The following PRPSAP2 variants were observed in gnomAD, a reference collection of about 807,000 sequenced individuals.
PRPSAP2 encodes phosphoribosyl pyrophosphate synthase-associated protein 2.
PRPSAP2 carries 24 observed loss-of-function variants against 40.6 expected under a neutral mutation model. That is an observed-to-expected ratio of 0.59 (90% CI 0.43 to 0.83). PRPSAP2 has a LOEUF of 0.83. Among genes scored for constraint, PRPSAP2 ranks in the 40% least tolerant of loss-of-function variants. The pLI, the probability that PRPSAP2 is intolerant of heterozygous loss-of-function variation, is 0.00. For missense variants in PRPSAP2, 292 were observed against 465.6 expected, an observed-to-expected ratio of 0.63 and a Z score of 3.43; for synonymous variants, 149 against 164.7, an observed-to-expected ratio of 0.90 and a Z score of 0.73.
intron 1 of PRPSAP2, among the ~76,000 whole-genome samples, chr17:18,863,168 C>T (rs1473850944): frequency 1.3e-5 from 2 of 151,912 alleles, no homozygotes; most frequent in African/African-American, 4.8e-5. Context: ...GGTCGCATTC[C>T]CATCGTCCAG....
intron 7 of PRPSAP2, among the ~76,000 whole-genome samples, chr17:18,886,340 G>A (rs67552299): frequency 0.03 from 4,618 of 151,690 alleles, 108 homozygotes; most frequent in Middle Eastern, 0.068. Context: ...TCGTTGCCTT[G>A]AAATTTTTGC....
intron 6 of PRPSAP2, among the ~76,000 whole-genome samples, chr17:18,882,134 C>T (rs1057313429): frequency 3.3e-5 from 5 of 151,900 alleles, no homozygotes; most frequent in Non-Finnish European, 5.9e-5. Context: ...CCACAGTGCC[C>T]GGCTGGAGAG....
intron 8 of PRPSAP2, among the ~76,000 whole-genome samples, chr17:18,907,182 A>T (rs2040645714): frequency 1.3e-5 from 2 of 152,224 alleles, no homozygotes; most frequent in African/African-American, 4.8e-5. Flanking sequence ...AAACACTTGA[A>T]CATTTACCAT....
upstream of PRPSAP2, among the ~76,000 whole-genome samples, chr17:18,857,513 A>C (rs7222187): frequency 0.53 from 79,384 of 149,292 alleles, 21,297 homozygotes; most frequent in Middle Eastern, 0.6. Context: ...TCCCGGGTTC[A>C]AGCGATTCTC....
intron 8 of PRPSAP2, among the ~76,000 whole-genome samples, chr17:18,905,931 T>A (rs1334454479): frequency 1.3e-5 from 2 of 152,190 alleles, no homozygotes; most frequent in Non-Finnish European, 2.9e-5. Flanking sequence ...TTTGTAAGGA[T>A]GAATTCAAAG....
rs775079199 is a variant in PRPSAP2 at position 18,885,403 on chromosome 17, C to CAAAAAAA, written c.528+2740_528+2746dup. ...GGCGACAGAGTGAGATTCCTTCTCACAAAAAAAAAAAAAAAAAAAAAAAAA... is the reference window on the plus strand; with the variant it reads ...GGCGACAGAGTGAGATTCCTTCTCACAAAAAAAAAAAAAAAAAAAAAAAAAAAAAAAA... On this transcript the variant is annotated intron_variant, in intron 7 of 11. Transcript: ENST00000268835. 1.8e-4 allele frequency among the ~76,000 whole-genome samples: 2 copies of CAAAAAAA among 10,968 alleles called. 1 individual carries two copies. Among genetic ancestry groups the CAAAAAAA allele is most frequent in the Non-Finnish European group, 5.4e-4 (2 of 3,704 alleles). 7.2% of individuals were successfully genotyped at this position (10,968 alleles called of 152,430 possible).
chr17:18,890,719 C>G (rs1444355306), intron 8 of PRPSAP2, among the ~76,000 whole-genome samples: 1 of 152,212 alleles, frequency 6.6e-6, no homozygotes, highest in African/African-American at 2.4e-5. Context: ...CTGGCGTTTA[C>G]AGTACTGGCG....
chr17:18,892,688 A>AGTGTGTGTGTGTGTGT (rs3043879), intron 8 of PRPSAP2, among the ~76,000 whole-genome samples: 13 of 75,402 alleles, frequency 1.7e-4, no homozygotes, highest in East Asian at 1.0e-3. Context: ...CAGCCTGTTG[A>AGTGTGTGTGTGTGTGT]GTGTGTGTGT....
intron 7 of PRPSAP2, among the ~76,000 whole-genome samples, chr17:18,888,898 G>C (rs1472995135): frequency 6.6e-6 from 1 of 152,228 alleles, no homozygotes; most frequent in Non-Finnish European, 1.5e-5. Context: ...AACCTCCGTA[G>C]AGACAATAGA....
upstream of PRPSAP2, among the ~76,000 whole-genome samples, chr17:18,857,381 C>T (rs184802677): frequency 2.6e-5 from 4 of 152,042 alleles, 1 homozygote; most frequent in Admixed American, 2.6e-4. Context: ...ATTTATTATA[C>T]ACCCAGAACT....
chr17:18,911,595 T>A lies in PRPSAP2; in HGVS notation c.733+344T>A, dbSNP rs370219285. The stretch of plus-strand genomic sequence containing the variant: ...ATATACAAAGTTATTGACTGTGATG[T>A]TGTTTTTAATGCAAAATATTAGAAA... On this transcript the variant is annotated intron_variant, in intron 9 of 11. Coordinates refer to ENST00000268835, the MANE Select transcript of PRPSAP2 (RefSeq NM_002767.4). The surrounding 1 kb of genome is among the most constrained non-coding windows in gnomAD (Gnocchi z 4.5). 0.013 allele frequency among the ~76,000 whole-genome samples: 849 copies of A among 65,492 alleles called. 11 individuals carry two copies. Among genetic ancestry groups the A allele is most frequent in the African/African-American group, 0.037 (797 of 21,606 alleles). The allele number at this position is 65,492 out of a possible 152,430, so 43.0% of individuals were successfully genotyped here. A position where few individuals can be genotyped will look rare whatever the true frequency, so the allele number is the denominator to read the frequency against.
intron 1 of PRPSAP2, among the ~76,000 whole-genome samples, chr17:18,863,483 A>ATTCTTTCTTTCTT (rs1219452812): frequency 6.6e-6 from 1 of 151,816 alleles, no homozygotes; most frequent in African/African-American, 2.4e-5. Flanking sequence ...GATTAAACGT[A>ATTCTTTCTTTCTT]TTCTTTCTTT....
At chr17:18,901,077 A>G (rs904755609) in intron 8 of PRPSAP2, among the ~76,000 whole-genome samples, 1 of 152,144 alleles carries the variant, frequency 6.6e-6, no homozygotes, top group Non-Finnish European at 1.5e-5. Flanking sequence ...ACCTTTACTC[A>G]TGCGGCGGAA....
At chr17:18,919,128 G>A (rs996478175) in intron 9 of PRPSAP2, among the ~76,000 whole-genome samples, 2 of 152,150 alleles carry the variant, frequency 1.3e-5, no homozygotes, top group African/African-American at 2.4e-5. Context: ...CACTGTGGAA[G>A]GCTAAGGTGG....
At chr17:18,887,673 T>C (rs979260667) in intron 7 of PRPSAP2, among the ~76,000 whole-genome samples, 1 of 152,194 alleles carries the variant, frequency 6.6e-6, no homozygotes, top group Non-Finnish European at 1.5e-5. Context: ...TGCATACTTA[T>C]ATATAGCATT....
At chr17:18,890,235 T>C (rs1235342177) in intron 8 of PRPSAP2, among the ~76,000 whole-genome samples, 1 of 152,082 alleles carries the variant, frequency 6.6e-6, no homozygotes, top group Non-Finnish European at 1.5e-5. Context: ...AGTGGCGCGA[T>C]CTCGGCTCAC....
chr17:18,873,036 T>G (rs556982946), intron 5 of PRPSAP2, among the ~76,000 whole-genome samples: 62 of 151,962 alleles, frequency 4.1e-4, no homozygotes, highest in African/African-American at 1.2e-3. Context: ...GAGACGGGGT[T>G]TCACCATGTT....
rs1268511510 is a variant in PRPSAP2 at position 18,865,913 on chromosome 17, C to CG, written c.81dup (p.Asn28GlufsTer29). On this transcript the variant is annotated frameshift_variant, in exon 3 of 12. Coordinates refer to ENST00000268835, the MANE Select transcript of PRPSAP2 (RefSeq NM_002767.4). LOFTEE classifies it high-confidence loss of function. Reference sequence around the variant, plus strand: ...GGTCTGGTGTTGTTTTCAGCAAACTCGAATTCATCATGTATGGAGCTATCA... The same window carrying CG: ...GGTCTGGTGTTGTTTTCAGCAAACTCGGAATTCATCATGTATGGAGCTATCA... 1 of 1,536,596 alleles carries CG rather than the reference C, an allele frequency of 6.5e-7. No individual in the cohort carries two copies. The highest frequency in any genetic ancestry group is 8.8e-7 in the Non-Finnish European group (1 of 1,132,018).
At position 18,882,577 on chromosome 17, in the gene PRPSAP2, A is replaced by G; in HGVS notation, c.422A>G (p.His141Arg). 1 of 1,568,902 alleles carries G rather than the reference A, an allele frequency of 6.4e-7. No individual in the cohort carries two copies. The highest frequency in any genetic ancestry group is 8.8e-7 in the Non-Finnish European group (1 of 1,139,922). Residue 141 changes from histidine to arginine, a missense_variant, in exon 7 of 12, where the codon CAT (histidine) becomes CGT (arginine). His to Arg is a conservative substitution (Grantham distance 29, BLOSUM62 0). Coordinates refer to ENST00000268835, the MANE Select transcript of PRPSAP2 (RefSeq NM_002767.4). ...TGCTTTATTTTCAAAGGTCTAACTC[A>G]TCTTATTACTATGGATTTACACCAG... ...ASMMCKAGLT[H>R]LITMDLHQKE...
Sources: gnomAD v4.1 joint callset for allele counts (sites outside exome capture counted in the v4.1 genomes callset) on GRCh38, gnomAD v4.1.1 for gene constraint, Gnocchi (gnomAD v3.1) non-coding constraint, MANE v1.5 for transcripts, NCBI Gene and HGNC (gene_info 2026-07-23, HGNC 2026-07-21) for gene names.